Variants in KYNU observed in about 807,000 individuals in gnomAD.
KYNU encodes the protein L-kynurenine hydrolase.
In KYNU, 54 loss-of-function variants were observed where a neutral mutation model predicts 59.2. That is an observed-to-expected ratio of 0.91 (90% CI 0.73 to 1.14). The LOEUF (loss-of-function observed/expected upper bound fraction) is 1.14. Ranked by LOEUF, KYNU falls within the 50% of genes most tolerant of loss-of-function variation. KYNU has a pLI of 0.00. For missense variants in KYNU, 567 were observed against 554.4 expected, an observed-to-expected ratio of 1.02 and a Z score of -0.23; for synonymous variants, 177 against 192.0, an observed-to-expected ratio of 0.92 and a Z score of 0.65.
Position 143,040,288 on chromosome 2 carries a change from C to T in KYNU, c.1042-140C>T, listed in dbSNP as rs535784218. The T allele has an allele frequency of 2.6e-5, 17 of 654,670 alleles. No individual in the cohort carries two copies. The East Asian group carries it at 3.8e-4, about 15-fold the overall frequency. 40.6% of individuals were successfully genotyped at this position (654,670 alleles called of 1,614,324 possible). A position where few individuals can be genotyped will look rare whatever the true frequency, so the allele number is the denominator to read the frequency against. ...GCATTTAAAGGAGGGCATGATTTTA[C>T]ACAAAAAGATTATGTAAAGGGAGAT... is the stretch of plus-strand genomic sequence containing the variant. On this transcript the variant is annotated intron_variant, in intron 12 of 13. Transcript: ENST00000264170.
At chr2:143,040,098 C>T (rs538147547) in intron 12 of KYNU, among the ~76,000 whole-genome samples, 2 of 152,062 alleles carry the variant, frequency 1.3e-5, no homozygotes, top group African/African-American at 4.8e-5. Flanking sequence ...TGTAACCACT[C>T]GGTCAGTACT....
intron 10 of KYNU, among the ~76,000 whole-genome samples, chr2:143,013,988 A>C (rs563788028): frequency 6.6e-6 from 1 of 152,324 alleles, no homozygotes; most frequent in African/African-American, 2.4e-5. Context: ...TCTGTCAGTC[A>C]CTTCTATACC....
At chr2:142,980,896 A>G (rs576349174) in intron 8 of KYNU, among the ~76,000 whole-genome samples, 10 of 152,296 alleles carry the variant, frequency 6.6e-5, no homozygotes, top group South Asian at 4.1e-4. Flanking sequence ...TGTTACCTAC[A>G]TGAGGCAAAA....
intron 2 of KYNU, among the ~76,000 whole-genome samples, chr2:142,907,281 G>T (rs1682332766): frequency 6.6e-6 from 1 of 152,192 alleles, no homozygotes; most frequent in African/African-American, 2.4e-5. Flanking sequence ...GGGCCATGTG[G>T]TGAGTGTTAT....
rs1488705002 is a variant in KYNU at position 142,956,341 on chromosome 2, G to A, written c.507+67G>A. 2.0e-5 allele frequency: 20 copies of A among 991,900 alleles called. No individual in the cohort carries two copies. The Admixed American group carries it at 3.7e-4, about 18-fold the overall frequency. The allele number at this position is 991,900 out of a possible 1,614,324, so 61.4% of individuals were successfully genotyped here. A position where few individuals can be genotyped will look rare whatever the true frequency, so the allele number is the denominator to read the frequency against. ...TCCTAGAGCAGTGTATCATTTGCCT[G>A]ACTTGAATGTTTACTCACTAGGCTT... On this transcript the variant is annotated intron_variant, in intron 6 of 13. Coordinates refer to ENST00000264170, the MANE Select transcript of KYNU (RefSeq NM_003937.3).
In KYNU at chr2:142,927,693, T is replaced by G; in HGVS notation, c.325T>G (p.Trp109Gly). The part of the protein sequence containing the change: ...AYGHEVGKRP[W>G]ITGDESIVGL... Reference sequence around the variant, plus strand: ...TGGTCATGAAGTGGGGAAGCGTCCTTGGATTACAGGAGATGAGAGTATTGT... The same window carrying G: ...TGGTCATGAAGTGGGGAAGCGTCCTGGGATTACAGGAGATGAGAGTATTGT... Residue 109 changes from tryptophan (W) to glycine (G), a missense_variant, in exon 4 of 14, where the codon TGG (tryptophan) becomes GGG (glycine). By Grantham distance (184) the Trp-to-Gly change is radical. Coordinates refer to ENST00000264170, the MANE Select transcript of KYNU (RefSeq NM_003937.3). The G allele has an allele frequency of 6.2e-6, 10 of 1,613,440 alleles. No individual in the cohort carries two copies. Among genetic ancestry groups the G allele is most frequent in the Non-Finnish European group, 8.5e-6 (10 of 1,179,520 alleles).
chr2:142,993,713 G>A (rs960334326), intron 10 of KYNU, among the ~76,000 whole-genome samples: 6 of 151,766 alleles, frequency 4.0e-5, no homozygotes, highest in African/African-American at 1.5e-4. Context: ...ATGCATTGAG[G>A]CACGAGCACA....
intron 7 of KYNU, among the ~76,000 whole-genome samples, chr2:142,960,173 C>T (rs1410674856): frequency 2.6e-5 from 4 of 152,186 alleles, no homozygotes; most frequent in Non-Finnish European, 5.9e-5. Context: ...AGGCGTGAGC[C>T]ACACACCCGG....
chr2:143,032,711 T>TGTGTGTGTGTGTGTGTGTGTGTG lies in KYNU; in HGVS notation c.956-525_956-524insGTGTGTGTGTGTGTGTGTGTGTG, dbSNP rs1686787027. On this transcript the variant is annotated intron_variant, in intron 11 of 13. Coordinates refer to ENST00000264170, the MANE Select transcript of KYNU (RefSeq NM_003937.3). ...GATCTTTTTTTTAAAGCTCCCTCTA[T>TGTGTGTGTGTGTGTGTGTGTGTG]TGTGTGTGTGTGTGTGTGTGTGTGT... Among the ~76,000 whole-genome samples the TGTGTGTGTGTGTGTGTGTGTGTG allele has an allele frequency of 1.5e-5, 2 of 129,370 alleles. 1 individual carries two copies. Among genetic ancestry groups the TGTGTGTGTGTGTGTGTGTGTGTG allele is most frequent in the Non-Finnish European group, 3.2e-5 (2 of 62,118 alleles). The allele number at this position is 129,370 out of a possible 152,430, so 84.9% of individuals were successfully genotyped here.
At chr2:143,039,381 CTT>C (rs1177786179) in intron 12 of KYNU, among the ~76,000 whole-genome samples, 1 of 152,054 alleles carries the variant, frequency 6.6e-6, no homozygotes, top group Admixed American at 6.6e-5. Context: ...GATAAACAAA[CTT>C]TACATCAAAG....
chr2:143,034,770 A>G (rs2104920009), intron 12 of KYNU, among the ~76,000 whole-genome samples: 1 of 152,352 alleles, frequency 6.6e-6, no homozygotes, highest in East Asian at 1.9e-4. Flanking sequence ...AACATTTTAA[A>G]ACAAAATAAA....
At chr2:142,962,234 T>C (rs1307298518) in intron 8 of KYNU, among the ~76,000 whole-genome samples, 1 of 152,190 alleles carries the variant, frequency 6.6e-6, no homozygotes, top group Non-Finnish European at 1.5e-5. Flanking sequence ...AGAAAGACCA[T>C]GGGTTTCCAT....
At position 142,891,843 on chromosome 2, in the gene KYNU, G is replaced by A. The variant is rs79581687; in HGVS notation, c.169+6307G>A. Among the ~76,000 whole-genome samples, 410 of 152,162 alleles carry A rather than the reference G, an allele frequency of 2.7e-3. 2 individuals are homozygous for A. The highest frequency in any genetic ancestry group is 4.1e-3 in the Non-Finnish European group (279 of 68,004). Reference sequence around the variant, plus strand: ...TTTATAACTGTAATTTTGATAGTCTGATAAATCTCTAACTTTCATAAGAAA... The same window carrying A: ...TTTATAACTGTAATTTTGATAGTCTAATAAATCTCTAACTTTCATAAGAAA... On this transcript the variant is annotated intron_variant, in intron 2 of 13. Coordinates refer to ENST00000264170, the MANE Select transcript of KYNU (RefSeq NM_003937.3).
intron 10 of KYNU, among the ~76,000 whole-genome samples, chr2:143,016,585 C>G (rs1284029475): frequency 6.6e-6 from 1 of 152,116 alleles, no homozygotes; most frequent in African/African-American, 2.4e-5. Context: ...AGTTTACCCC[C>G]ACTGATGTAG....
intron 10 of KYNU, among the ~76,000 whole-genome samples, chr2:143,013,487 A>T (rs1686171440): frequency 6.6e-6 from 1 of 152,172 alleles, no homozygotes; most frequent in African/African-American, 2.4e-5. Flanking sequence ...GCTAGGTCTT[A>T]TGGTAGCTCT....
intron 8 of KYNU, among the ~76,000 whole-genome samples, chr2:142,979,203 G>T (rs1244394300): frequency 6.6e-6 from 1 of 152,058 alleles, no homozygotes; most frequent in Non-Finnish European, 1.5e-5. Flanking sequence ...CTACTATTTT[G>T]CCCAAGATAC....
At chr2:143,032,292 A>C (rs564596462) in intron 11 of KYNU, among the ~76,000 whole-genome samples, 1,211 of 84,046 alleles carry the variant, frequency 0.014, 7 homozygotes, top group African/African-American at 0.039. Flanking sequence ...ACAAAAACAA[A>C]AAAAAAAAAC....
chr2:142,928,047 T>A (rs1683099828), intron 4 of KYNU, among the ~76,000 whole-genome samples: 1 of 152,188 alleles, frequency 6.6e-6, no homozygotes, highest in South Asian at 2.1e-4. Context: ...TTGAATACAT[T>A]TCATAAAAAT....
rs891039213 is a variant in KYNU at position 142,918,223 on chromosome 2, G to A, written c.170-386G>A. On this transcript the variant is annotated intron_variant, in intron 2 of 13. Coordinates refer to ENST00000264170, the MANE Select transcript of KYNU (RefSeq NM_003937.3). ...CATGTCTACAACACAAATTAGTACCGTGTTAGTACTTGACTAAATTCTGGT... is the reference window on the plus strand; with the variant it reads ...CATGTCTACAACACAAATTAGTACCATGTTAGTACTTGACTAAATTCTGGT... Among the ~76,000 whole-genome samples, 12 of 152,058 alleles carry A rather than the reference G, an allele frequency of 7.9e-5. 1 individual carries two copies. The South Asian group carries it at 1.2e-3, about 16-fold the overall frequency.
Sources: allele counts gnomAD v4.1 joint callset (sites outside exome capture counted in the v4.1 genomes callset), GRCh38; gene constraint gnomAD v4.1.1; transcripts MANE v1.5; gene names NCBI Gene and HGNC (gene_info 2026-07-23, HGNC 2026-07-21).